GCNT2: variants seen among roughly 807,000 people sequenced by gnomAD.
The protein encoded by GCNT2 is glucosaminyl (N-acetyl) transferase 2 (I blood group).
Under a neutral mutation model 34.2 loss-of-function variants are expected in GCNT2, and 34 were observed. That is an observed-to-expected ratio of 1.00 (90% CI 0.76 to 1.32). The LOEUF is 1.32. Among genes scored for constraint, GCNT2 ranks in the 40% most tolerant of loss-of-function variants. The pLI is 0.00. For synonymous variants in GCNT2, 212 were observed against 188.0 expected, an observed-to-expected ratio of 1.13 and a Z score of -1.04; for missense variants, 584 against 489.4, an observed-to-expected ratio of 1.19 and a Z score of -1.82.
At chr6:10,584,992 C>T (rs1409542781) in intron 3 of GCNT2, among the ~76,000 whole-genome samples, 1 of 151,070 alleles carries the variant, frequency 6.6e-6, no homozygotes, top group Non-Finnish European at 1.5e-5. Flanking sequence ...CCTGCCTGTG[C>T]CCCCAAGGGT....
At chr6:10,586,749 C>T (rs979576568) in intron 3 of GCNT2, 3 of 1,614,078 alleles carry the variant, frequency 1.9e-6, no homozygotes, top group African/African-American at 1.3e-5. Flanking sequence ...GAAAACTTCA[C>T]CTCCACATCA....
intron 3 of GCNT2, among the ~76,000 whole-genome samples, chr6:10,534,273 C>T (rs1761656779): frequency 6.6e-6 from 1 of 151,758 alleles, no homozygotes; most frequent in South Asian, 2.1e-4. Flanking sequence ...TCCGCAGCAC[C>T]AGGGATTACA....
intron 3 of GCNT2, chr6:10,557,251 G>A (rs771686905): frequency 1.2e-6 from 2 of 1,605,844 alleles, no homozygotes; most frequent in Non-Finnish European, 8.5e-7. Flanking sequence ...ACTTTGTTCT[G>A]CATGACCCAC....
intron 3 of GCNT2, among the ~76,000 whole-genome samples, chr6:10,618,361 G>A (rs2127442621): frequency 6.6e-6 from 1 of 152,260 alleles, no homozygotes; most frequent in South Asian, 2.1e-4. Flanking sequence ...GGTGTTATGT[G>A]TTCATTTTAT....
chr6:10,600,504 TC>T (rs1423831010), intron 3 of GCNT2, among the ~76,000 whole-genome samples: 1 of 152,168 alleles, frequency 6.6e-6, no homozygotes, highest in African/African-American at 2.4e-5. Context: ...CAAGAACAAT[TC>T]CGCCAGTTCC....
intron 3 of GCNT2, among the ~76,000 whole-genome samples, chr6:10,617,539 G>C (rs183508214): frequency 6.6e-6 from 1 of 152,206 alleles, no homozygotes; most frequent in African/African-American, 2.4e-5. Context: ...TGCCGAGAGC[G>C]AGCGAGGGCT....
chr6:10,581,627 A>T (rs1764072377), intron 3 of GCNT2: 1 of 333,082 alleles, frequency 3.0e-6, no homozygotes, highest in Non-Finnish European at 4.3e-6. Context: ...TGCCACTCCC[A>T]TCTGCAGACT....
intron 3 of GCNT2, among the ~76,000 whole-genome samples, chr6:10,539,365 T>C (rs1223486279): frequency 6.6e-6 from 1 of 151,772 alleles, no homozygotes; most frequent in Non-Finnish European, 1.5e-5. Context: ...AATTTTGTAT[T>C]TTTAGTAGAG....
At chr6:10,533,800 C>CAAA (rs869274003) in intron 3 of GCNT2, among the ~76,000 whole-genome samples, 5 of 43,374 alleles carry the variant, frequency 1.2e-4, no homozygotes, top group African/African-American at 1.9e-4. Context: ...GACTCTGTCT[C>CAAA]AAAAAAAAAA....
intron 3 of GCNT2, chr6:10,555,747 G>A (rs1762669468): frequency 1.0e-5 from 10 of 985,328 alleles, no homozygotes; most frequent in Non-Finnish European, 1.2e-5. Flanking sequence ...ACAGTGGGGT[G>A]GGGCCAAAAA....
intron 3 of GCNT2, among the ~76,000 whole-genome samples, chr6:10,577,278 C>G (rs1424353865): frequency 6.6e-6 from 1 of 152,206 alleles, no homozygotes; most frequent in Non-Finnish European, 1.5e-5. Context: ...AGGGGGTGGG[C>G]TCTGCACTCA....
At chr6:10,541,975 T>C (rs531513938) in intron 3 of GCNT2, among the ~76,000 whole-genome samples, 1 of 152,168 alleles carries the variant, frequency 6.6e-6, no homozygotes, top group South Asian at 2.1e-4. Context: ...TCTTGGAGGG[T>C]AGGGAGCTTT....
chr6:10,576,938 TAAA>T, intron 3 of GCNT2, among the ~76,000 whole-genome samples: 1 of 151,574 alleles, frequency 6.6e-6, no homozygotes. Context: ...ATAATAATAA[TAAA>T]ATTAGCCAAG....
chr6:10,606,111 TTGA>T (rs1215803077), intron 3 of GCNT2, among the ~76,000 whole-genome samples: 3 of 152,258 alleles, frequency 2.0e-5, no homozygotes, highest in Non-Finnish European at 4.4e-5. Flanking sequence ...GGTCAGGAGT[TTGA>T]GACCAGCCTG....
chr6:10,535,397 C>T (rs1761709051), intron 3 of GCNT2, among the ~76,000 whole-genome samples: 1 of 152,180 alleles, frequency 6.6e-6, no homozygotes, highest in African/African-American at 2.4e-5. Flanking sequence ...TTCCTCTCCC[C>T]ACTTCCGTCT....
chr6:10,598,475 C>T (rs1213188884), intron 3 of GCNT2, among the ~76,000 whole-genome samples: 1 of 152,210 alleles, frequency 6.6e-6, no homozygotes, highest in Non-Finnish European at 1.5e-5. Context: ...TTGAATTTCT[C>T]TCTTTGTCAC....
intron 3 of GCNT2, among the ~76,000 whole-genome samples, chr6:10,589,084 G>A (rs1158339283): frequency 7.6e-6 from 1 of 132,178 alleles, no homozygotes; most frequent in South Asian, 2.8e-4. Flanking sequence ...TGGCGTGTTT[G>A]TAGTGTGGTG....
intron 3 of GCNT2, among the ~76,000 whole-genome samples, chr6:10,576,740 A>G (rs542588508): frequency 6.6e-6 from 1 of 152,152 alleles, no homozygotes; most frequent in South Asian, 2.1e-4. Flanking sequence ...AGATCATTGC[A>G]ATCAGAAAAG....
At chr6:10,600,676 C>T (rs1414228015) in intron 3 of GCNT2, among the ~76,000 whole-genome samples, 1 of 152,156 alleles carries the variant, frequency 6.6e-6, no homozygotes, top group Non-Finnish European at 1.5e-5. Context: ...GCTGCTGCTT[C>T]TTCTTTCTTT....
Sources: gnomAD v4.1 joint callset for allele counts (sites outside exome capture counted in the v4.1 genomes callset) on GRCh38, gnomAD v4.1.1 for gene constraint, MANE v1.5 for transcripts, NCBI Gene and HGNC (gene_info 2026-07-23, HGNC 2026-07-21) for gene names.